The following PXN variants were observed in gnomAD, a reference collection of about 807,000 sequenced individuals.
The protein encoded by PXN is testicular tissue protein Li 134.
Under a neutral mutation model 103.6 loss-of-function variants are expected in PXN, and 61 were observed. The observed-to-expected ratio is 0.59, with a 90% CI of 0.48 to 0.73. PXN has a LOEUF of 0.73. Ranked by LOEUF, PXN falls within the 30% of genes least tolerant of loss-of-function variation. PXN has a pLI of 0.00. For missense variants in PXN, 1,274 were observed against 1,460.3 expected (o/e 0.87, Z 2.08); for synonymous variants, 562 against 607.8 (o/e 0.92, Z 1.11).
intron 1 of PXN, among the ~76,000 whole-genome samples, chr12:120,238,775 T>C (rs921113133): frequency 6.6e-6 from 1 of 152,244 alleles, no homozygotes; most frequent in African/African-American, 2.4e-5. Context: ...GGATGCTAGG[T>C]TCTGCAGTGT....
At position 120,215,851 on chromosome 12, in the gene PXN, A is replaced by G. The variant is rs1246052994; in HGVS notation, c.2302-190T>C. 14 of 1,311,626 alleles carry G rather than the reference A, an allele frequency of 1.1e-5. No individual in the cohort carries two copies. Among genetic ancestry groups the G allele is most frequent in the Non-Finnish European group, 1.1e-5 (11 of 998,764 alleles). 81.2% of individuals were successfully genotyped at this position (1,311,626 alleles called of 1,614,324 possible). A position where few individuals can be genotyped will look rare whatever the true frequency, so the allele number is the denominator to read the frequency against. On this transcript the variant is annotated intron_variant, in intron 9 of 14. Transcript: ENST00000637617. The surrounding 1 kb of genome is among the most constrained non-coding windows in gnomAD (Gnocchi z 4.9). ...GAGAGAGAGGCCTAGGGAGAAAGGA[A>G]GAAGGACAGGGAGGGGAGTCGACCA...
Position 120,217,020 on chromosome 12 carries a change from T to A in PXN, c.1813A>T (p.Ser605Cys). Residue 605 changes from serine to cysteine, a missense_variant, in exon 8 of 15, where the codon AGC (serine) becomes TGC (cysteine). Ser to Cys is a moderately radical substitution (Grantham distance 112). Transcript: ENST00000637617. This position sits in a 1 kb window ranked among gnomAD's most constrained non-coding sequence, Gnocchi z 4.1. ...PRRRLDPATL[S>C]RTPSQEQLIA... The stretch of plus-strand genomic sequence containing the variant: ...AGCTGTTCCTGGGATGGGGTCCTGC[T>A]CAAGGTGGCAGGGTCCAGCCGGCGG... 6.3e-7 allele frequency: 1 copy of A among 1,579,822 alleles called. No individual in the cohort carries two copies. The highest frequency in any genetic ancestry group is 8.5e-7 in the Non-Finnish European group (1 of 1,171,370).
Position 120,221,488 on chromosome 12 carries a change from T to A in PXN, c.831+135A>T. On this transcript the variant is annotated intron_variant, in intron 6 of 14. Transcript: ENST00000637617. This position sits in a 1 kb window ranked among gnomAD's most constrained non-coding sequence, Gnocchi z 6.6. ...CTGGCATCACAGCAAGGCCAGGGCA[T>A]GACAGTGTCCCTGGCTCAGGGGCAA... 6 of 963,130 alleles carry A rather than the reference T, an allele frequency of 6.2e-6. No individual in the cohort carries two copies. Among genetic ancestry groups the A allele is most frequent in the Non-Finnish European group, 7.5e-6 (5 of 664,236 alleles). The allele number at this position is 963,130 out of a possible 1,614,324, so 59.7% of individuals were successfully genotyped here.
Position 120,265,631 on chromosome 12 carries a change from G to A in PXN, c.-2C>T. ...CGCTCACTCACCGAGGTCGTCCATG[G>A]CCGGACCACGGGCGCCGGCTCAGGG... On this transcript the variant is annotated 5_prime_UTR_variant, in exon 1 of 15. Transcript: ENST00000637617. This position sits in a 1 kb window ranked among gnomAD's most constrained non-coding sequence, Gnocchi z 5.7. 6.8e-7 allele frequency: 1 copy of A among 1,480,366 alleles called. No homozygotes were observed. The highest frequency in any genetic ancestry group is 8.9e-7 in the Non-Finnish European group (1 of 1,121,038). 91.7% of individuals were successfully genotyped at this position (1,480,366 alleles called of 1,614,324 possible). A position where few individuals can be genotyped will look rare whatever the true frequency, so the allele number is the denominator to read the frequency against.
At chr12:120,244,572 C>T (rs1337922716) in intron 1 of PXN, among the ~76,000 whole-genome samples, 1 of 151,316 alleles carries the variant, frequency 6.6e-6, no homozygotes, top group Non-Finnish European at 1.5e-5. Context: ...GGCGTGAACC[C>T]GGGAGGCGGA....
At chr12:120,231,815 C>G (rs899784874) in intron 1 of PXN, among the ~76,000 whole-genome samples, 1 of 152,190 alleles carries the variant, frequency 6.6e-6, no homozygotes, top group African/African-American at 2.4e-5. Flanking sequence ...GGCAGAAGAC[C>G]AACTGTGCCA....
chr12:120,241,924 T>C (rs1890218123), intron 1 of PXN, among the ~76,000 whole-genome samples: 1 of 152,116 alleles, frequency 6.6e-6, no homozygotes, highest in Admixed American at 6.5e-5. Context: ...TGCAATACTC[T>C]ACATGAAATC....
chr12:120,232,671 C>T (rs1359944914), intron 1 of PXN, among the ~76,000 whole-genome samples: 1 of 152,136 alleles, frequency 6.6e-6, no homozygotes, highest in Non-Finnish European at 1.5e-5. Context: ...CAGAGCAGGG[C>T]GGCTCCTTGG....
Position 120,219,444 on chromosome 12 carries a change from C to T in PXN, c.1479G>A (p.Arg493=). Residue 493 remains arginine (R), a synonymous_variant, in exon 7 of 15, where the codon AGG becomes AGA. Coordinates refer to ENST00000637617, the MANE Select transcript of PXN (RefSeq NM_001385981.1). The surrounding 1 kb of genome is among the most constrained non-coding windows in gnomAD (Gnocchi z 6.5). ...EEHGLQQERP[R]PEPGRLGSSS... ...TGCTTCCCAGCCTCCCTGGCTCTGGCCTTGGCCTCTCCTGCTGTAGGCCAT... is the reference window on the plus strand; with the variant it reads ...TGCTTCCCAGCCTCCCTGGCTCTGGTCTTGGCCTCTCCTGCTGTAGGCCAT... 7.5e-6 allele frequency: 12 copies of T among 1,598,214 alleles called. No individual in the cohort carries two copies. The highest frequency in any genetic ancestry group is 1.0e-5 in the Non-Finnish European group (12 of 1,179,654).
Position 120,214,286 on chromosome 12 carries a change from G to T in PXN, c.2749-69C>A. ...TCTCACAACTGAGACGCCCAGCAAGGCCGTCCTTCCACCCGCAGCTCATAG... is the reference window on the plus strand; with the variant it reads ...TCTCACAACTGAGACGCCCAGCAAGTCCGTCCTTCCACCCGCAGCTCATAG... On this transcript the variant is annotated intron_variant, in intron 12 of 14. Transcript: ENST00000637617. This position sits in a 1 kb window ranked among gnomAD's most constrained non-coding sequence, Gnocchi z 5.0. 1.5e-6 allele frequency: 2 copies of T among 1,372,628 alleles called. No homozygotes were observed. Among genetic ancestry groups the T allele is most frequent in the African/African-American group, 1.4e-5 (1 of 69,510 alleles). The allele number at this position is 1,372,628 out of a possible 1,614,324, so 85.0% of individuals were successfully genotyped here. A position where few individuals can be genotyped will look rare whatever the true frequency, so the allele number is the denominator to read the frequency against.
At chr12:120,259,324 G>A (rs1893502233) in intron 1 of PXN, among the ~76,000 whole-genome samples, 1 of 151,444 alleles carries the variant, frequency 6.6e-6, no homozygotes, top group South Asian at 2.1e-4. Context: ...CCCAGGAGGC[G>A]GAGGTTGCAG....
At chr12:120,231,906 G>A (rs1271372443) in intron 1 of PXN, among the ~76,000 whole-genome samples, 1 of 152,250 alleles carries the variant, frequency 6.6e-6, no homozygotes, top group Non-Finnish European at 1.5e-5. Flanking sequence ...TTGGGCTCCA[G>A]GAGCTTAAGC....
In PXN at chr12:120,216,449, C is replaced by T. The variant is rs1008410329; in HGVS notation, c.2125G>A (p.Ala709Thr). 3.1e-4 allele frequency: 425 copies of T among 1,377,530 alleles called. 1 individual carries two copies. Among genetic ancestry groups the T allele is most frequent in the Admixed American group, 3.3e-4 (9 of 27,582 alleles). The allele number at this position is 1,377,530 out of a possible 1,614,324, so 85.3% of individuals were successfully genotyped here. A position where few individuals can be genotyped will look rare whatever the true frequency, so the allele number is the denominator to read the frequency against. The change falls in exon 9 of 15, where the codon GCC becomes ACC. Residue 709 changes from alanine to threonine, a missense_variant. By Grantham distance (58) the Ala-to-Thr change is moderately conservative. Transcript: ENST00000637617. This position sits in a 1 kb window ranked among gnomAD's most constrained non-coding sequence, Gnocchi z 5.1. ...SSSSPLPSLL[A>T]SSPLGPSAYT... ...GCTGAGGGCCCCAGGGGGGAGGAGG[C>T]GAGCAGGCTGGGCAGGGGAGAAGAG...
At chr12:120,236,209 T>C (rs1456597895) in intron 1 of PXN, among the ~76,000 whole-genome samples, 1 of 152,260 alleles carries the variant, frequency 6.6e-6, no homozygotes, top group African/African-American at 2.4e-5. Context: ...AGCCTGAGCA[T>C]AGAGCTGTCC....
intron 1 of PXN, among the ~76,000 whole-genome samples, chr12:120,264,486 G>C (rs567662862): frequency 6.6e-6 from 1 of 152,142 alleles, no homozygotes; most frequent in Admixed American, 6.6e-5. Flanking sequence ...CCACTCCTGC[G>C]TTCACGCCAC....
intron 1 of PXN, among the ~76,000 whole-genome samples, chr12:120,242,032 C>G (rs914683537): frequency 1.3e-5 from 2 of 152,066 alleles, no homozygotes; most frequent in African/African-American, 2.4e-5. Flanking sequence ...AGGGATGGAA[C>G]AGATGAGACA....
intron 1 of PXN, among the ~76,000 whole-genome samples, chr12:120,254,669 G>C (rs1892726483): frequency 6.6e-6 from 1 of 151,982 alleles, no homozygotes; most frequent in South Asian, 2.1e-4. Flanking sequence ...TCCTGCCTCA[G>C]CCTCCCAAAT....
In PXN at chr12:120,255,075, G is replaced by A. The variant is rs575839022; in HGVS notation, c.13+10542C>T. Among the ~76,000 whole-genome samples the A allele has an allele frequency of 1.8e-3, 269 of 152,266 alleles. 1 individual carries two copies. The highest frequency in any genetic ancestry group is 6.8e-3 in the Middle Eastern group (2 of 294). ...TTGAGTCTCTGCTGGTGCGCAGACC[G>A]GAAGAATCTGGACAATAGAATTCAC... On this transcript the variant is annotated intron_variant, in intron 1 of 14. Transcript: ENST00000637617.
chr12:120,218,983 G>A (rs1340191578), intron 7 of PXN, among the ~76,000 whole-genome samples: 1 of 152,234 alleles, frequency 6.6e-6, no homozygotes, highest in Non-Finnish European at 1.5e-5. Context: ...TCATCTGAAA[G>A]GAAAAAGCCT....
Sources: gnomAD v4.1 joint callset for allele counts (sites outside exome capture counted in the v4.1 genomes callset) on GRCh38, gnomAD v4.1.1 for gene constraint, Gnocchi (gnomAD v3.1) non-coding constraint, MANE v1.5 for transcripts, NCBI Gene and HGNC (gene_info 2026-07-23, HGNC 2026-07-21) for gene names.